Variants in LARP1 observed in about 807,000 individuals in gnomAD.
LARP1 encodes La ribonucleoprotein 1, translational regulator.
A neutral mutation model predicts 122.7 loss-of-function variants in LARP1; 36 were observed. That is an observed-to-expected ratio of 0.29 (90% CI 0.22 to 0.39). The LOEUF is 0.39. Ranked by LOEUF, LARP1 falls within the 10% of genes least tolerant of loss-of-function variation. The pLI, the probability that LARP1 is intolerant of heterozygous loss-of-function variation, is 1.00. For missense variants in LARP1, 1,040 were observed against 1,403.6 expected (o/e 0.74, Z 4.14); for synonymous variants, 539 against 528.7 (o/e 1.02, Z -0.27).
At chr5:154,706,818 A>AC (rs1195627873) in intron 1 of LARP1, among the ~76,000 whole-genome samples, 1 of 152,192 alleles carries the variant, frequency 6.6e-6, no homozygotes, top group Non-Finnish European at 1.5e-5. Context: ...AAACAAACAA[A>AC]AAAAGAGGCA....
intron 1 of LARP1, among the ~76,000 whole-genome samples, chr5:154,722,258 T>C (rs1755918046): frequency 6.6e-6 from 1 of 152,204 alleles, no homozygotes; most frequent in South Asian, 2.1e-4. Context: ...TACCTCCTCC[T>C]GCAGGGAGGC....
intron 14 of LARP1, chr5:154,805,640 T>C: frequency 2.2e-6 from 1 of 452,122 alleles, no homozygotes. Context: ...AATAGTCTTA[T>C]GACCCTGGAT....
intron 16 of LARP1, 38 bp from the exon 17 acceptor site, chr5:154,811,209 A>C (rs1236511023): frequency 6.7e-7 from 1 of 1,502,402 alleles, no homozygotes; most frequent in Non-Finnish European, 9.3e-7. Flanking sequence ...TTTACAGATG[A>C]AGAAACTGCC....
intron 1 of LARP1, among the ~76,000 whole-genome samples, chr5:154,758,484 C>T (rs926724428): frequency 2.0e-5 from 3 of 152,162 alleles, no homozygotes; most frequent in Non-Finnish European, 2.9e-5. Flanking sequence ...GGTTTGTGTG[C>T]ATTTTGAGAG....
chr5:154,791,484 T>C (rs1333125260), intron 3 of LARP1, among the ~76,000 whole-genome samples: 3 of 152,176 alleles, frequency 2.0e-5, no homozygotes, highest in African/African-American at 7.2e-5. Context: ...GCTGGGATTA[T>C]AGGTGTGAGC....
Position 154,778,144 on chromosome 5 carries a change from C to T in LARP1, c.437-12181C>T, listed in dbSNP as rs142865037. 1.0e-2 allele frequency among the ~76,000 whole-genome samples: 1,515 copies of T among 151,858 alleles called. 20 individuals are homozygous for T. The highest frequency in any genetic ancestry group is 0.033 in the African/African-American group (1,365 of 41,360). ...GCGTGGTGGTGGGCGCCTGTAGTCC[C>T]AGCTACTCGGGAGGCTGAGGCAGGA... On this transcript the variant is annotated intron_variant, in intron 1 of 18. Coordinates refer to ENST00000518297, the MANE Select transcript of LARP1 (RefSeq NM_033551.3).
At chr5:154,747,757 G>A (rs1278086454) in intron 1 of LARP1, among the ~76,000 whole-genome samples, 1 of 152,148 alleles carries the variant, frequency 6.6e-6, no homozygotes, top group Non-Finnish European at 1.5e-5. Context: ...CCAGCTACTT[G>A]GGAGGCTGAG....
upstream of LARP1, among the ~76,000 whole-genome samples, chr5:154,708,377 A>G (rs1026960583): frequency 2.0e-5 from 3 of 152,184 alleles, no homozygotes; most frequent in Non-Finnish European, 4.4e-5. Context: ...TTTGCAACCC[A>G]TTCTGTGTCA....
chr5:154,779,575 C>A lies in LARP1; in HGVS notation c.437-10750C>A, dbSNP rs112491460. 2.0e-3 allele frequency among the ~76,000 whole-genome samples: 286 copies of A among 144,536 alleles called. 2 individuals are homozygous for A. The highest frequency in any genetic ancestry group is 7.1e-3 in the African/African-American group (274 of 38,774). 94.8% of individuals were successfully genotyped at this position (144,536 alleles called of 152,430 possible). On this transcript the variant is annotated intron_variant, in intron 1 of 18. Transcript: ENST00000518297. ...CCAGACTGGAGTGCAGTGGCGCAAT[C>A]TCGGCTCACCGCAACCTCCACCTCC...
intron 1 of LARP1, among the ~76,000 whole-genome samples, chr5:154,690,892 T>G (rs553232751): frequency 6.6e-6 from 1 of 152,340 alleles, no homozygotes; most frequent in East Asian, 1.9e-4. Flanking sequence ...CCCCGGAGTA[T>G]TCGGCATCCC....
intron 1 of LARP1, among the ~76,000 whole-genome samples, chr5:154,764,151 A>G (rs1200040792): frequency 1.3e-5 from 2 of 151,902 alleles, no homozygotes; most frequent in Non-Finnish European, 2.9e-5. Context: ...TCTACTAAAC[A>G]TACAAAAATT....
In LARP1 at chr5:154,792,930, T is replaced by C. The variant is rs1052439029; in HGVS notation, c.739+134T>C. ...AATGGGGAAACTGATGGATGTAGGC[T>C]GGTGAGATAGCAGTCTTCAACCATC... On this transcript the variant is annotated intron_variant, in intron 4 of 18. Transcript: ENST00000518297. The C allele has an allele frequency of 5.0e-6, 4 of 796,194 alleles. No individual in the cohort carries two copies. The African/African-American group carries it at 5.2e-5, about 10-fold the overall frequency. 49.3% of individuals were successfully genotyped at this position (796,194 alleles called of 1,614,324 possible).
chr5:154,763,701 C>G (rs1411799951), intron 1 of LARP1, among the ~76,000 whole-genome samples: 1 of 151,724 alleles, frequency 6.6e-6, no homozygotes, highest in African/African-American at 2.4e-5. Context: ...CATCCTTTGA[C>G]AATTAAACAC....
At position 154,811,618 on chromosome 5, in the gene LARP1, G is replaced by A. The variant is rs763238227; in HGVS notation, c.3059G>A (p.Arg1020His). Residue 1020 changes from arginine to histidine, a missense_variant, in exon 18 of 19, where the codon CGT (arginine) becomes CAT (histidine). This residue lies in a region of LARP1 where 129 missense variants were observed against 160.8 expected (regional missense o/e 0.80). Coordinates refer to ENST00000518297, the MANE Select transcript of LARP1 (RefSeq NM_033551.3). ...CAAGAATACCTCGGCAAATTCCGAC[G>A]TCTTGAAGACTTCCGAGTAGATGTA... Reference protein sequence around the residue: ...KLQEYLGKFRRLEDFRVDPPM... With the variant: ...KLQEYLGKFRHLEDFRVDPPM... 1.9e-6 allele frequency: 3 copies of A among 1,614,006 alleles called. No individual in the cohort carries two copies. In the African/African-American group the frequency reaches 4.0e-5, roughly 22 times the overall value.
At chr5:154,764,355 A>G (rs961722304) in intron 1 of LARP1, among the ~76,000 whole-genome samples, 4 of 148,804 alleles carry the variant, frequency 2.7e-5, no homozygotes, top group African/African-American at 1.0e-4. Context: ...GGGGGCTTAT[A>G]CCAGTCATCC....
intron 1 of LARP1, among the ~76,000 whole-genome samples, chr5:154,689,852 G>A (rs545460445): frequency 6.5e-4 from 99 of 152,098 alleles, no homozygotes; most frequent in African/African-American, 2.2e-3. Flanking sequence ...CAAGGCGGGC[G>A]GATCACCTGA....
At position 154,799,951 on chromosome 5, in the gene LARP1, C is replaced by T; in HGVS notation, c.1625C>T (p.Pro542Leu). Residue 542 changes from proline to leucine, a missense_variant, in exon 10 of 19, where the codon CCC (proline) becomes CTC (leucine). This residue lies in a region of LARP1 where 362 missense variants were observed against 533.1 expected (regional missense o/e 0.68). Coordinates refer to ENST00000518297, the MANE Select transcript of LARP1 (RefSeq NM_033551.3). Reference sequence around the variant, plus strand: ...GAGGTCAGCAACCTAAAGACACTACCCAAGGGCCTGTCTGCCAGCCTGCCT... The same window carrying T: ...GAGGTCAGCAACCTAAAGACACTACTCAAGGGCCTGTCTGCCAGCCTGCCT... ...TEEVSNLKTL[P>L]KGLSASLPDL... 6.2e-7 allele frequency: 1 copy of T among 1,614,198 alleles called. No individual in the cohort carries two copies. Among genetic ancestry groups the T allele is most frequent in the Non-Finnish European group, 8.5e-7 (1 of 1,180,036 alleles).
intron 1 of LARP1, among the ~76,000 whole-genome samples, chr5:154,695,016 T>A (rs940277533): frequency 1.3e-5 from 2 of 152,076 alleles, no homozygotes; most frequent in Admixed American, 6.6e-5. Flanking sequence ...ATAAAAAGTT[T>A]TTTAAAAAAC....
At chr5:154,697,862 A>G (rs768734237) in intron 1 of LARP1, among the ~76,000 whole-genome samples, 9 of 152,108 alleles carry the variant, frequency 5.9e-5, no homozygotes, top group Non-Finnish European at 8.8e-5. Context: ...CTCTCACTCT[A>G]TCCTCCAGGC....
Sources: gnomAD v4.1 joint callset for allele counts (sites outside exome capture counted in the v4.1 genomes callset) on GRCh38, gnomAD v4.1.1 for gene constraint, gnomAD v4.1.1 regional missense constraint, MANE v1.5 for transcripts, NCBI Gene and HGNC (gene_info 2026-07-23, HGNC 2026-07-21) for gene names.